MITD1: variants seen among roughly 807,000 people sequenced by gnomAD.
MITD1 encodes the protein microtubule interacting and trafficking domain containing 1.
A neutral mutation model predicts 34.9 loss-of-function variants in MITD1; 24 were observed. That is an observed-to-expected ratio of 0.69 (90% CI 0.50 to 0.97). The LOEUF (loss-of-function observed/expected upper bound fraction) is 0.97. Among genes scored for constraint, MITD1 ranks in the 50% least tolerant of loss-of-function variants. The pLI, the probability that MITD1 is intolerant of heterozygous loss-of-function variation, is 0.00. For missense variants in MITD1, 266 were observed against 294.6 expected (o/e 0.90, Z 0.71); for synonymous variants, 102 against 101.4 (o/e 1.01, Z -0.04).
intron 7 of MITD1, chr2:99,162,819 T>G (rs746903699): frequency 6.2e-7 from 1 of 1,613,996 alleles, no homozygotes; most frequent in South Asian, 1.1e-5. Flanking sequence ...CTTTCATGTG[T>G]TATATGAACA....
intron 1 of MITD1, among the ~76,000 whole-genome samples, chr2:99,177,239 C>T (rs886999449): frequency 1.3e-5 from 2 of 152,078 alleles, no homozygotes; most frequent in Admixed American, 6.6e-5. Flanking sequence ...CACATAGACC[C>T]ATCCTTCAAT....
chr2:99,175,114 C>A (rs72959143), intron 1 of MITD1, among the ~76,000 whole-genome samples: 37 of 152,214 alleles, frequency 2.4e-4, no homozygotes, highest in African/African-American at 8.4e-4. Flanking sequence ...GTACAGATAA[C>A]CTCCTTCACC....
At position 99,171,381 on chromosome 2, in the gene MITD1, T is replaced by C. The variant is rs755425756; in HGVS notation, c.439A>G (p.Lys147Glu). Residue 147 changes from lysine (K) to glutamate (E), a missense_variant, in exon 4 of 7, where the codon AAA (lysine) becomes GAA (glutamate). Lys to Glu is a moderately conservative substitution (Grantham distance 56). Transcript: ENST00000289359. ...GTGAGAAGGTGAATAGTTTTTACTT[T>C]ACATGGTCTCTTAATAAGCATCTCA... ...FCEMLIKRPC[K>E]VKTIHLLTSL... The C allele has an allele frequency of 4.3e-6, 7 of 1,612,056 alleles. No homozygotes were observed. In the African/African-American group the frequency reaches 5.3e-5, roughly 12 times the overall value.
At chr2:99,164,008 T>G (rs1297895735) in intron 7 of MITD1, among the ~76,000 whole-genome samples, 1 of 152,188 alleles carries the variant, frequency 6.6e-6, no homozygotes, top group Non-Finnish European at 1.5e-5. Context: ...CCATAGCCAC[T>G]TTTTAATTTT....
intron 1 of MITD1, among the ~76,000 whole-genome samples, chr2:99,174,626 T>G (rs2093876963): frequency 6.6e-6 from 1 of 152,240 alleles, no homozygotes; most frequent in South Asian, 2.1e-4. Context: ...AATCTCGCTC[T>G]GTCGCCCAGG....
intron 2 of MITD1, chr2:99,172,417 A>G (rs2093864087): frequency 6.6e-6 from 1 of 151,924 alleles, no homozygotes; most frequent in Non-Finnish European, 1.5e-5. Context: ...GCAGTATAAT[A>G]TGAAGCTTCA....
At chr2:99,171,040 A>G in intron 4 of MITD1, 2 of 299,070 alleles carry the variant, frequency 6.7e-6, no homozygotes, top group Non-Finnish European at 1.3e-5. Context: ...CCCCAGATAT[A>G]ATAATTGGTA....
At chr2:99,168,501 G>C (rs1209096383), downstream of MITD1, among the ~76,000 whole-genome samples, 1 of 152,164 alleles carries the variant, frequency 6.6e-6, no homozygotes, top group Non-Finnish European at 1.5e-5. Context: ...TCTTCAGCCT[G>C]TCTCCATGGA....
Position 99,162,832 on chromosome 2 carries a change from C to G in MITD1, c.*4-614G>C, listed in dbSNP as rs137891647. The G allele has an allele frequency of 6.9e-4, 1,113 of 1,613,660 alleles. No individual in the cohort carries two copies. Among genetic ancestry groups the G allele is most frequent in the Non-Finnish European group, 8.2e-4 (969 of 1,179,696 alleles). On this transcript the variant is annotated intron_variant, in intron 7 of 7. Coordinates refer to the MITD1 transcript ENST00000422537. ...TCCTTTCATGTGTTATATGAACAGT[C>G]ACACTTGGAAATTAAAGTATTCATA...
chr2:99,162,986 G>A (rs1290029012), intron 7 of MITD1: 4 of 1,613,378 alleles, frequency 2.5e-6, no homozygotes, highest in Non-Finnish European at 3.4e-6. Context: ...AAACTACCAT[G>A]CTAACAAATA....
rs2093843285 is a variant in MITD1 at position 99,169,483 on chromosome 2, G to GA, written c.655-14dup. 8 of 1,607,494 alleles carry GA rather than the reference G, an allele frequency of 5.0e-6. No individual in the cohort carries two copies. The highest frequency in any genetic ancestry group is 6.8e-6 in the Non-Finnish European group (8 of 1,175,564). On this transcript the variant is annotated splice_polypyrimidine_tract_variant and intron_variant, in intron 6 of 6. Transcript: ENST00000289359. ...GGGAAAAACGACTCTAAGAAGAGAA[G>GA]AAAAGAGTATCATTAAAAATGATAC...
downstream of MITD1, among the ~76,000 whole-genome samples, chr2:99,165,143 CT>C (rs1402289510): frequency 1.3e-5 from 2 of 152,046 alleles, no homozygotes; most frequent in Non-Finnish European, 2.9e-5. Context: ...TCTCAGCTCA[CT>C]GCAACTGCTG....
At position 99,162,165 on chromosome 2, in the gene MITD1, C is replaced by T. The variant is rs191234686; in HGVS notation, c.*57G>A. ...AATTCTATTCTTTTGGCAGAATTCTCCCTCTGTTGTAATTGGTAGGCATCA... is the reference window on the plus strand; with the variant it reads ...AATTCTATTCTTTTGGCAGAATTCTTCCTCTGTTGTAATTGGTAGGCATCA... On this transcript the variant is annotated 3_prime_UTR_variant, in exon 8 of 8. Coordinates refer to the MITD1 transcript ENST00000422537. 7 of 1,613,922 alleles carry T rather than the reference C, an allele frequency of 4.3e-6. No homozygotes were observed. The East Asian group carries it at 1.1e-4, about 26-fold the overall frequency.
rs150825158 is a variant in MITD1 at position 99,173,964 on chromosome 2, G to A, written c.204C>T (p.Tyr68=). 2.2e-4 allele frequency: 351 copies of A among 1,607,892 alleles called. No individual in the cohort carries two copies. Among genetic ancestry groups the A allele is most frequent in the Non-Finnish European group, 2.8e-4 (328 of 1,175,810 alleles). The change falls in exon 2 of 7, where the codon TAC becomes TAT. Residue 68 remains tyrosine, a synonymous_variant. Coordinates refer to ENST00000289359, the MANE Select transcript of MITD1 (RefSeq NM_138798.3). ...RCNLREKISK[Y]MDRAENIKKY... ...TCTTTATGTTTTCCGCTCTGTCCAT[G>A]TATTTGGAAATTTTTTCTCTGAGAT...
intron 7 of MITD1, chr2:99,163,170 T>C (rs1426758940): frequency 3.7e-6 from 3 of 814,464 alleles, no homozygotes; most frequent in African/African-American, 3.6e-5. Flanking sequence ...TAGTCTCTTT[T>C]AGTAACGTCA....
downstream of MITD1, among the ~76,000 whole-genome samples, chr2:99,166,569 CGA>C (rs2093828193): frequency 2.0e-5 from 3 of 150,414 alleles, no homozygotes; most frequent in South Asian, 6.3e-4. Flanking sequence ...GCATCTGGCT[CGA>C]GATGTGTGTA....
chr2:99,169,376 CAT>C lies in MITD1; in HGVS notation c.747_748del (p.Ile249MetfsTer26). ...TAATACAAATTAGGCTACCACCCAT[CAT>C]ATATTTTTTGTATGCTTCTTATGAA... On this transcript the variant is annotated frameshift_variant and stop_lost, in exon 7 of 7. Transcript: ENST00000289359. LOFTEE classifies it high-confidence loss of function. 7.3e-7 allele frequency: 1 copy of C among 1,377,664 alleles called. No individual in the cohort carries two copies. Among genetic ancestry groups the C allele is most frequent in the African/African-American group, 1.5e-5 (1 of 68,206 alleles). The allele number at this position is 1,377,664 out of a possible 1,614,324, so 85.3% of individuals were successfully genotyped here. A position where few individuals can be genotyped will look rare whatever the true frequency, so the allele number is the denominator to read the frequency against.
At chr2:99,170,424 A>C in intron 5 of MITD1, 113 bp downstream of exon 5, 1 of 264,998 alleles carries the variant, frequency 3.8e-6, no homozygotes, top group East Asian at 6.9e-5. Flanking sequence ...GTTTTATTTG[A>C]ATTTTAAATA....
downstream of MITD1, among the ~76,000 whole-genome samples, chr2:99,166,185 G>A: frequency 2.1e-5 from 3 of 144,550 alleles, no homozygotes. Context: ...GAAAGAGTGT[G>A]AATTAAAAAA....
Sources: allele counts gnomAD v4.1 joint callset (sites outside exome capture counted in the v4.1 genomes callset), GRCh38; gene constraint gnomAD v4.1.1; transcripts MANE v1.5; gene names NCBI Gene and HGNC (gene_info 2026-07-23, HGNC 2026-07-21).